Variants in OLFM3 observed in about 807,000 individuals in gnomAD.
OLFM3 encodes the protein noelin-3.
A neutral mutation model predicts 48.6 loss-of-function variants in OLFM3; 20 were observed. That is an observed-to-expected ratio of 0.41 (90% confidence interval 0.29 to 0.60). The LOEUF (loss-of-function observed/expected upper bound fraction) is 0.60. OLFM3 is among the 20% of genes least tolerant of loss of function. OLFM3 has a pLI of 0.28. For missense variants in OLFM3, 437 were observed against 544.3 expected (o/e 0.80, Z 1.96); for synonymous variants, 222 against 198.1 (o/e 1.12, Z -1.01).
At chr1:101,951,159 T>G (rs1660135079) in intron 1 of OLFM3, among the ~76,000 whole-genome samples, 1 of 152,206 alleles carries the variant, frequency 6.6e-6, no homozygotes, top group South Asian at 2.1e-4. Flanking sequence ...TCTAATTTAT[T>G]TATGAGTCCG....
At chr1:101,970,647 C>T (rs1311098326) in intron 1 of OLFM3, among the ~76,000 whole-genome samples, 1 of 152,170 alleles carries the variant, frequency 6.6e-6, no homozygotes, top group African/African-American at 2.4e-5. Flanking sequence ...AGATCCTCAC[C>T]TTCTACTGGG....
rs1034159687 is a variant in OLFM3 at position 101,880,006 on chromosome 1, T to C, written c.70-42981A>G. Among the ~76,000 whole-genome samples, 9 of 151,942 alleles carry C rather than the reference T, an allele frequency of 5.9e-5. No homozygotes were observed. In the South Asian group the frequency reaches 1.0e-3, roughly 17 times the overall value. On this transcript the variant is annotated intron_variant, in intron 1 of 5. Transcript: ENST00000370103. ...AACAAGCATTCAGGCCTTTTACTAT[T>C]AGAAAGCCCATCTGTTTTTCTGTAC...
At chr1:101,957,031 TAACTTGATAATATCA>T (rs1395653251) in intron 1 of OLFM3, among the ~76,000 whole-genome samples, 4 of 151,892 alleles carry the variant, frequency 2.6e-5, no homozygotes, top group African/African-American at 4.8e-5. Flanking sequence ...TTGGATAAGA[TAACTTGATAATATCA>T]AAGGAGAATC....
chr1:101,992,722 A>G (rs1175394684), intron 1 of OLFM3, among the ~76,000 whole-genome samples: 1 of 152,082 alleles, frequency 6.6e-6, no homozygotes, highest in Non-Finnish European at 1.5e-5. Context: ...AGGCAGTTTA[A>G]GTCTGATTAT....
chr1:101,880,206 C>T (rs1471206045), intron 1 of OLFM3, among the ~76,000 whole-genome samples: 3 of 151,822 alleles, frequency 2.0e-5, no homozygotes, highest in Non-Finnish European at 4.4e-5. Context: ...AACAGGGTTT[C>T]ACCACGTTGG....
At chr1:101,871,715 T>G (rs1657091496) in intron 1 of OLFM3, among the ~76,000 whole-genome samples, 1 of 152,100 alleles carries the variant, frequency 6.6e-6, no homozygotes, top group Non-Finnish European at 1.5e-5. Flanking sequence ...TTAAAATTTT[T>G]GATATTTGAT....
intron 1 of OLFM3, among the ~76,000 whole-genome samples, chr1:101,844,695 T>C (rs1362600514): frequency 6.6e-6 from 1 of 152,186 alleles, no homozygotes; most frequent in African/African-American, 2.4e-5. Flanking sequence ...TAACACATGG[T>C]GGAGGCCCAG....
At chr1:101,899,331 A>G (rs1658313477) in intron 1 of OLFM3, among the ~76,000 whole-genome samples, 1 of 152,210 alleles carries the variant, frequency 6.6e-6, no homozygotes, top group African/African-American at 2.4e-5. Context: ...AGCTCACAAC[A>G]TGATAGCTTG....
Position 101,804,104 on chromosome 1 carries a change from C to T in OLFM3, c.*134G>A. 1 of 688,262 alleles carries T rather than the reference C, an allele frequency of 1.5e-6. No homozygotes were observed. Among genetic ancestry groups the T allele is most frequent in the South Asian group, 2.6e-5 (1 of 38,962 alleles). 42.6% of individuals were successfully genotyped at this position (688,262 alleles called of 1,614,324 possible). On this transcript the variant is annotated 3_prime_UTR_variant, in exon 6 of 6. Transcript: ENST00000370103. The surrounding 1 kb of genome is among the most constrained non-coding windows in gnomAD (Gnocchi z 4.5). ...GACAAGCTCAGCTATGTTTTTGAAA[C>T]ACCAACTTTACAATAAAAATGCTTT...
At position 101,948,586 on chromosome 1, in the gene OLFM3, TA is replaced by T. The variant is rs144122803; in HGVS notation, c.69+48161del. 2.2e-3 allele frequency among the ~76,000 whole-genome samples: 331 copies of T among 152,230 alleles called. 1 individual carries two copies. Among genetic ancestry groups the T allele is most frequent in the African/African-American group, 7.8e-3 (325 of 41,574 alleles). On this transcript the variant is annotated intron_variant, in intron 1 of 5. Transcript: ENST00000370103. ...TTCCTTACATTATTGGTGATTTCTC[TA>T]AACATTCAATGTTCACATTTCACTT...
rs769228247 is a variant in OLFM3 at position 101,825,255 on chromosome 1, G to C, written c.373-10C>G. On this transcript the variant is annotated splice_polypyrimidine_tract_variant and intron_variant, in intron 3 of 5. Transcript: ENST00000370103. ...TTTTCTCTTTCAACTCCTGTGAAAA[G>C]CAGCCTATTGTTCCTGAGAGTCATT... 2 of 1,608,348 alleles carry C rather than the reference G, an allele frequency of 1.2e-6. No homozygotes were observed. The highest frequency in any genetic ancestry group is 4.5e-5 in the East Asian group (2 of 44,824).
intron 1 of OLFM3, among the ~76,000 whole-genome samples, chr1:101,941,733 A>G (rs1173933032): frequency 6.6e-6 from 1 of 152,158 alleles, no homozygotes; most frequent in East Asian, 1.9e-4. Context: ...TATCCTTGCT[A>G]AGGGAAGATG....
intron 1 of OLFM3, among the ~76,000 whole-genome samples, chr1:101,979,375 C>T (rs559597419): frequency 2.0e-5 from 3 of 152,142 alleles, no homozygotes; most frequent in Non-Finnish European, 2.9e-5. Flanking sequence ...ATAATCCCCA[C>T]GTTTCAAGGG....
chr1:101,812,193 G>A (rs184673869), intron 4 of OLFM3, among the ~76,000 whole-genome samples: 15 of 152,052 alleles, frequency 9.9e-5, no homozygotes, highest in African/African-American at 2.9e-4. Context: ...CATGGGGTGG[G>A]GGGAGTGGGG....
At chr1:101,908,229 A>G (rs1237984667) in intron 1 of OLFM3, among the ~76,000 whole-genome samples, 1 of 152,230 alleles carries the variant, frequency 6.6e-6, no homozygotes, top group Non-Finnish European at 1.5e-5. Flanking sequence ...GTAAAATGGG[A>G]TAACATCTTA....
At chr1:101,961,714 G>A (rs1454877402) in intron 1 of OLFM3, among the ~76,000 whole-genome samples, 1 of 152,070 alleles carries the variant, frequency 6.6e-6, no homozygotes, top group African/African-American at 2.4e-5. Context: ...TATCAGAATA[G>A]GTCGCAAGAT....
chr1:101,837,924 A>G (rs1655514388), intron 1 of OLFM3: 1 of 152,118 alleles, frequency 6.6e-6, no homozygotes, highest in Non-Finnish European at 1.5e-5. Context: ...TGTCTGTACT[A>G]TTCATTAGGT....
chr1:101,844,094 A>G (rs4908194), intron 1 of OLFM3, among the ~76,000 whole-genome samples: 150,161 of 152,238 alleles, frequency 0.99, 74,096 homozygotes, highest in Middle Eastern at 1. Flanking sequence ...GGCCCTCCAC[A>G]TGGAAGCAGC....
At chr1:101,815,685 C>T (rs1489548229) in intron 4 of OLFM3, among the ~76,000 whole-genome samples, 1 of 152,026 alleles carries the variant, frequency 6.6e-6, no homozygotes, top group East Asian at 1.9e-4. Flanking sequence ...GTCATTTACT[C>T]GGATGAAATG....
Sources: gnomAD v4.1 joint callset for allele counts (sites outside exome capture counted in the v4.1 genomes callset) on GRCh38, gnomAD v4.1.1 for gene constraint, Gnocchi (gnomAD v3.1) non-coding constraint, MANE v1.5 for transcripts, NCBI Gene and HGNC (gene_info 2026-07-23, HGNC 2026-07-21) for gene names.